The following ABCC1 variants were observed in gnomAD, a reference collection of about 807,000 sequenced individuals.
The protein encoded by ABCC1 is multidrug resistance-associated protein 1.
Under a neutral mutation model 172.9 loss-of-function variants are expected in ABCC1, and 83 were observed. The observed-to-expected ratio is 0.48, with a 90% CI of 0.40 to 0.58. The LOEUF (loss-of-function observed/expected upper bound fraction) is 0.58. Among genes scored for constraint, ABCC1 ranks in the 20% least tolerant of loss-of-function variants. The pLI is 0.00. For missense variants in ABCC1, 1,817 were observed against 2,002.7 expected (o/e 0.91, Z 1.77); for synonymous variants, 937 against 825.2 (o/e 1.14, Z -2.32).
At chr16:15,954,452 G>A (rs562219109) in intron 1 of ABCC1, among the ~76,000 whole-genome samples, 1 of 152,086 alleles carries the variant, frequency 6.6e-6, no homozygotes, top group Non-Finnish European at 1.5e-5. Flanking sequence ...ACCCCATTTC[G>A]TGGATGTGGA....
chr16:16,071,669 A>G lies in ABCC1; in HGVS notation c.1852A>G (p.Ile618Val). The G allele has an allele frequency of 6.2e-7, 1 of 1,613,962 alleles. No homozygotes were observed. Among genetic ancestry groups the G allele is most frequent in the Non-Finnish European group, 8.5e-7 (1 of 1,179,960 alleles). Residue 618 changes from isoleucine to valine, a missense_variant, in exon 14 of 31, where the codon ATC becomes GTC. Around this residue, in one of 3 missense-constraint regions of ABCC1, gnomAD observed 1,412 missense variants for 1,600.3 expected, o/e 0.88. Transcript: ENST00000399410. ...GAGTGTCTCCCTCAAACGCCTGAGG[A>G]TCTTTCTCTCCCATGAGGAGCTGGA... The part of the protein sequence containing the change: ...QASVSLKRLR[I>V]FLSHEELEPD...
chr16:16,001,243 G>A (rs1298610874), intron 1 of ABCC1, among the ~76,000 whole-genome samples: 1 of 152,012 alleles, frequency 6.6e-6, no homozygotes, highest in Non-Finnish European at 1.5e-5. Context: ...ATGGAGTCTC[G>A]CTTTGTCGCC....
intron 7 of ABCC1, among the ~76,000 whole-genome samples, chr16:16,041,094 A>ATTT (rs35254618): frequency 1.8e-4 from 24 of 133,088 alleles, no homozygotes; most frequent in African/African-American, 5.8e-4. Context: ...CACCTGGCTA[A>ATTT]TTTTTTTTTT....
intron 19 of ABCC1, among the ~76,000 whole-genome samples, chr16:16,091,760 C>G (rs1355777330): frequency 6.6e-6 from 1 of 152,178 alleles, no homozygotes; most frequent in African/African-American, 2.4e-5. Context: ...GGGTTTTGGT[C>G]TAACTGCCCT....
chr16:16,111,823 G>A (rs932329759), intron 22 of ABCC1, among the ~76,000 whole-genome samples: 9 of 152,190 alleles, frequency 5.9e-5, no homozygotes, highest in Admixed American at 5.2e-4. Flanking sequence ...CCATTTTACA[G>A]ATGAGGACAG....
At chr16:16,016,651 C>T (rs560380254) in intron 5 of ABCC1, 30 bp downstream of exon 5, 24 of 1,612,096 alleles carry the variant, frequency 1.5e-5, no homozygotes, top group African/African-American at 2.7e-5. Flanking sequence ...AGTGTGTGTG[C>T]GTGTGTGTGT....
At chr16:16,095,967 C>G (rs556605858) in intron 19 of ABCC1, among the ~76,000 whole-genome samples, 11 of 152,188 alleles carry the variant, frequency 7.2e-5, no homozygotes, top group African/African-American at 2.6e-4. Flanking sequence ...TTGCAAACTA[C>G]AAAAGAGTAC....
chr16:16,033,232 C>T (rs575487297), intron 6 of ABCC1, 62 bp downstream of exon 6: 38 of 1,468,532 alleles, frequency 2.6e-5, no homozygotes, highest in Admixed American at 5.0e-5. Context: ...AATGAATGAA[C>T]GAATGAACAT....
intron 1 of ABCC1, among the ~76,000 whole-genome samples, chr16:15,954,261 T>C (rs1160624450): frequency 6.6e-6 from 1 of 152,092 alleles, no homozygotes; most frequent in Non-Finnish European, 1.5e-5. Flanking sequence ...ACTCCTGACC[T>C]CAAGTGGTCA....
At chr16:16,134,265 G>A in intron 27 of ABCC1, 85 bp from the exon 28 acceptor site, 2 of 1,547,470 alleles carry the variant, frequency 1.3e-6, no homozygotes, top group South Asian at 2.3e-5. Flanking sequence ...GATGCCTGAG[G>A]TGGGGCCGAG....
chr16:16,009,941 G>A, intron 3 of ABCC1, 40 bp downstream of exon 3: 1 of 1,499,800 alleles, frequency 6.7e-7, no homozygotes, highest in Non-Finnish European at 8.9e-7. Context: ...CCATCTGCTG[G>A]GCTCAGTGGA....
chr16:16,027,920 C>G (rs2151813095), intron 5 of ABCC1, among the ~76,000 whole-genome samples: 1 of 152,262 alleles, frequency 6.6e-6, no homozygotes, highest in South Asian at 2.1e-4. Context: ...CTTTCTTTGG[C>G]TGTTACTTTG....
At chr16:16,135,436 G>A (rs991429357) in intron 28 of ABCC1, among the ~76,000 whole-genome samples, 2 of 152,032 alleles carry the variant, frequency 1.3e-5, no homozygotes, top group African/African-American at 4.8e-5. Context: ...TGAGAAATAA[G>A]GATTTTCTTT....
chr16:16,123,550 C>A (rs1003947683), intron 24 of ABCC1, among the ~76,000 whole-genome samples: 1 of 151,548 alleles, frequency 6.6e-6, no homozygotes, highest in East Asian at 1.9e-4. Flanking sequence ...TCACTTGAAC[C>A]CAAGAGGCAG....
At chr16:16,125,087 C>T (rs1379844753) in intron 25 of ABCC1, among the ~76,000 whole-genome samples, 172 bp downstream of exon 25, 3 of 152,232 alleles carry the variant, frequency 2.0e-5, no homozygotes, top group African/African-American at 4.8e-5. Flanking sequence ...GAGCAGGAGA[C>T]GGATTTGACA....
intron 1 of ABCC1, among the ~76,000 whole-genome samples, chr16:15,998,721 C>T (rs2047143354): frequency 6.6e-6 from 1 of 152,174 alleles, no homozygotes; most frequent in South Asian, 2.1e-4. Context: ...CGTTTCCTGA[C>T]CTCTCCTTCC....
At chr16:16,094,814 CTTTTTTT>C (rs895974418) in intron 19 of ABCC1, among the ~76,000 whole-genome samples, 36 of 120,626 alleles carry the variant, frequency 3.0e-4, no homozygotes, top group Admixed American at 1.4e-3. Context: ...TGCGCCTGGC[CTTTTTTT>C]TTTTTTTTTT....
chr16:16,127,668 C>T (rs772255051), intron 26 of ABCC1, among the ~76,000 whole-genome samples: 4 of 152,186 alleles, frequency 2.6e-5, no homozygotes, highest in South Asian at 2.1e-4. Flanking sequence ...TCATGCTACC[C>T]GGCCTCCTGA....
intron 12 of ABCC1, among the ~76,000 whole-genome samples, chr16:16,058,696 G>C (rs1461977012): frequency 1.3e-5 from 2 of 152,126 alleles, no homozygotes; most frequent in African/African-American, 4.8e-5. Context: ...TGTCACCCAG[G>C]TTGGATTGCT....
Sources: gnomAD v4.1 joint callset for allele counts (sites outside exome capture counted in the v4.1 genomes callset) on GRCh38, gnomAD v4.1.1 for gene constraint, gnomAD v4.1.1 regional missense constraint, MANE v1.5 for transcripts, NCBI Gene and HGNC (gene_info 2026-07-23, HGNC 2026-07-21) for gene names.